The following MOB1B variants were observed in gnomAD, a reference collection of about 807,000 sequenced individuals.
The protein encoded by MOB1B is MOB kinase activator 1B.
In MOB1B, 19 loss-of-function variants were observed where a neutral mutation model predicts 24.4. The observed-to-expected ratio is 0.78, with a 90% CI of 0.54 to 1.14. The LOEUF (loss-of-function observed/expected upper bound fraction) is 1.14. MOB1B is among the 50% of genes most tolerant of loss of function. The pLI, the probability that MOB1B is intolerant of heterozygous loss-of-function variation, is 0.00. For missense variants in MOB1B, 243 were observed against 259.6 expected, an observed-to-expected ratio of 0.94 and a Z score of 0.44; for synonymous variants, 76 against 82.1, an observed-to-expected ratio of 0.93 and a Z score of 0.40.
intron 1 of MOB1B, 141 bp downstream of exon 1, chr4:70,902,691 C>T (rs999207781): frequency 7.8e-6 from 6 of 768,548 alleles, no homozygotes; most frequent in Non-Finnish European, 7.5e-6. Flanking sequence ...CCAAGCGGGG[C>T]CCCGGGACTG....
At chr4:70,954,869 T>A (rs573001287) in intron 1 of MOB1B, among the ~76,000 whole-genome samples, 66 of 151,980 alleles carry the variant, frequency 4.3e-4, no homozygotes, top group African/African-American at 1.5e-3. Context: ...GGCTGCAACC[T>A]CCGCCTCCCA....
At chr4:70,927,578 T>G (rs1736704435) in intron 1 of MOB1B, among the ~76,000 whole-genome samples, 1 of 151,934 alleles carries the variant, frequency 6.6e-6, no homozygotes, top group Admixed American at 6.6e-5. Flanking sequence ...CAGTTATAAA[T>G]ATGTGTAGTG....
At chr4:70,952,634 C>T (rs1426148279) in intron 1 of MOB1B, among the ~76,000 whole-genome samples, 12 of 135,894 alleles carry the variant, frequency 8.8e-5, no homozygotes, top group Admixed American at 5.3e-4. Flanking sequence ...CAGAGCGAGA[C>T]GCCGTCTCAA....
chr4:70,939,262 A>G (rs1737228407), intron 1 of MOB1B, among the ~76,000 whole-genome samples: 1 of 152,212 alleles, frequency 6.6e-6, no homozygotes, highest in South Asian at 2.1e-4. Context: ...CTTCCTACTC[A>G]AAGTCACAAT....
At chr4:70,927,398 G>A (rs771483900) in intron 1 of MOB1B, among the ~76,000 whole-genome samples, 8 of 152,086 alleles carry the variant, frequency 5.3e-5, no homozygotes, top group Non-Finnish European at 1.2e-4. Flanking sequence ...TAATTAGCCA[G>A]GCATGGTGGC....
intron 2 of MOB1B, 107 bp downstream of exon 2, chr4:70,959,147 C>CACTCTTTTATG: frequency 5.0e-6 from 4 of 807,602 alleles, no homozygotes; most frequent in Non-Finnish European, 5.9e-6. Flanking sequence ...AAGCTAATAT[C>CACTCTTTTATG]ATAAAAGAGT....
chr4:70,911,531 G>A (rs1735988470), intron 1 of MOB1B, among the ~76,000 whole-genome samples: 1 of 151,982 alleles, frequency 6.6e-6, no homozygotes, highest in Non-Finnish European at 1.5e-5. Flanking sequence ...GGAATTGCAG[G>A]ACTGACTGGC....
At chr4:70,921,371 G>T (rs1473211279) in intron 1 of MOB1B, among the ~76,000 whole-genome samples, 2 of 152,106 alleles carry the variant, frequency 1.3e-5, no homozygotes, top group Non-Finnish European at 2.9e-5. Context: ...GCAGGCATGT[G>T]TGTGAAATTT....
At chr4:70,926,742 C>G (rs909854602) in intron 1 of MOB1B, among the ~76,000 whole-genome samples, 1 of 152,138 alleles carries the variant, frequency 6.6e-6, no homozygotes, top group Non-Finnish European at 1.5e-5. Context: ...CGCAGTGGCT[C>G]ACGCCTGTAA....
chr4:70,974,037 G>A (rs143190682), intron 3 of MOB1B, among the ~76,000 whole-genome samples: 1 of 152,178 alleles, frequency 6.6e-6, no homozygotes, highest in African/African-American at 2.4e-5. Context: ...AGCAGCAGGA[G>A]TAACCTTTTG....
At position 70,983,901 on chromosome 4, in the gene MOB1B, T is replaced by G. The variant is rs1333709143; in HGVS notation, c.*1844T>G. On this transcript the variant is annotated 3_prime_UTR_variant, in exon 6 of 6. Transcript: ENST00000309395. The stretch of plus-strand genomic sequence containing the variant: ...AGAGCTAGTTAATTTCCTTAAATCT[T>G]TTTGTATTCAGATAGATAATATGAA... 6.6e-6 allele frequency: 1 copy of G among 152,578 alleles called. No homozygotes were observed. Among genetic ancestry groups the G allele is most frequent in the Non-Finnish European group, 1.5e-5 (1 of 67,982 alleles). 9.5% of individuals were successfully genotyped at this position (152,578 alleles called of 1,614,324 possible).
intron 1 of MOB1B, among the ~76,000 whole-genome samples, chr4:70,921,082 G>T (rs1736418771): frequency 6.6e-6 from 1 of 152,050 alleles, no homozygotes; most frequent in East Asian, 1.9e-4. Flanking sequence ...AGCCAGAGGA[G>T]AATAAACAGC....
At chr4:70,962,372 A>T (rs997597402) in intron 2 of MOB1B, among the ~76,000 whole-genome samples, 52 of 152,244 alleles carry the variant, frequency 3.4e-4, no homozygotes, top group African/African-American at 1.2e-3. Context: ...ATTTGAATTT[A>T]TGAAAGAGAC....
intron 5 of MOB1B, among the ~76,000 whole-genome samples, chr4:70,979,695 G>A (rs1392104551): frequency 1.3e-5 from 2 of 152,020 alleles, no homozygotes; most frequent in African/African-American, 4.8e-5. Flanking sequence ...TATCACATCT[G>A]TTTTTTGTCC....
intron 4 of MOB1B, chr4:70,976,392 A>G: frequency 1.0e-6 from 1 of 981,880 alleles, no homozygotes; most frequent in Non-Finnish European, 1.2e-6. Context: ...TATGAATCTT[A>G]CAGATTCAGA....
chr4:70,912,087 G>C (rs28589478), intron 1 of MOB1B, among the ~76,000 whole-genome samples: 6,341 of 151,970 alleles, frequency 0.042, 429 homozygotes, highest in African/African-American at 0.14. Flanking sequence ...AGTAGAGACA[G>C]GGTTTCACCA....
At chr4:70,944,794 A>G (rs1376393903) in intron 1 of MOB1B, among the ~76,000 whole-genome samples, 1 of 152,074 alleles carries the variant, frequency 6.6e-6, no homozygotes, top group African/African-American at 2.4e-5. Context: ...AGAGTAGGGG[A>G]TGAGATGCCA....
intron 4 of MOB1B, 90 bp downstream of exon 4, chr4:70,975,376 G>T: frequency 6.5e-7 from 1 of 1,546,298 alleles, no homozygotes; most frequent in Non-Finnish European, 8.7e-7. Context: ...ATATCTAGTT[G>T]GAGAGTTCTT....
rs1237174047 is a variant in MOB1B, at chr4:70,902,549, T to C, written c.13T>C (p.Phe5Leu). Residue 5 changes from phenylalanine (F) to leucine (L), a missense_variant and splice_region_variant, in exon 1 of 6, where the codon TTT (phenylalanine) becomes CTT (leucine). Transcript: ENST00000309395. MSFL[F>L]GSRSSKTFKP... is the part of the protein sequence containing the mutation. ...CCCCGCGGCCAACATGAGCTTCTTG[T>C]TGTGAGTAGCCAGGCCCCGCACGCG... 1.3e-6 allele frequency: 2 copies of C among 1,563,100 alleles called. No individual in the cohort carries two copies. Among genetic ancestry groups the C allele is most frequent in the Non-Finnish European group, 1.7e-6 (2 of 1,155,304 alleles).
Sources: gnomAD v4.1 joint callset for allele counts (sites outside exome capture counted in the v4.1 genomes callset) on GRCh38, gnomAD v4.1.1 for gene constraint, MANE v1.5 for transcripts, NCBI Gene and HGNC (gene_info 2026-07-23, HGNC 2026-07-21) for gene names.